Variants in SLC6A12 observed in about 807,000 individuals in gnomAD.
SLC6A12 encodes sodium- and chloride-dependent betaine transporter.
Under a neutral mutation model 73.3 loss-of-function variants are expected in SLC6A12, and 50 were observed. That is an observed-to-expected ratio of 0.68 (90% CI 0.54 to 0.86). SLC6A12 has a LOEUF of 0.86. Ranked by LOEUF, SLC6A12 falls within the 40% of genes least tolerant of loss-of-function variation. The pLI is 0.00. For synonymous variants in SLC6A12, 304 were observed against 309.2 expected, an observed-to-expected ratio of 0.98 and a Z score of 0.18; for missense variants, 648 against 772.8, an observed-to-expected ratio of 0.84 and a Z score of 1.92.
rs1269710148 is a variant in SLC6A12, at chr12:213,639, A to C, written c.-143+283T>G. 1 of 152,772 alleles carries C rather than the reference A, an allele frequency of 6.5e-6. No individual in the cohort carries two copies. The highest frequency in any genetic ancestry group is 1.5e-5 in the Non-Finnish European group (1 of 68,596). 9.5% of individuals were successfully genotyped at this position (152,772 alleles called of 1,614,324 possible). A position where few individuals can be genotyped will look rare whatever the true frequency, so the allele number is the denominator to read the frequency against. ...TCGTCAGATGACCACCCCTGCTTTC[A>C]CCCACTGCCGTGACCAGCTGCCCAT... On this transcript the variant is annotated intron_variant, in intron 1 of 15. Coordinates refer to ENST00000684302, the MANE Select transcript of SLC6A12 (RefSeq NM_001122848.3). The surrounding 1 kb of genome is among the most constrained non-coding windows in gnomAD (Gnocchi z 5.3).
downstream of SLC6A12, among the ~76,000 whole-genome samples, chr12:188,242 G>A (rs1038227160): frequency 2.0e-4 from 30 of 152,230 alleles, no homozygotes; most frequent in African/African-American, 7.2e-4. Flanking sequence ...ATGGCGAGCT[G>A]CAGGTTCCGA....
intron 2 of SLC6A12, chr12:211,252 G>C (rs1382507627): frequency 6.6e-6 from 1 of 152,232 alleles, no homozygotes; most frequent in African/African-American, 2.4e-5. Flanking sequence ...TTTATTTACT[G>C]GTCCTTTTAA....
rs2137123964 is a variant in SLC6A12, at chr12:196,392, TG to T, written c.1189-132del. ...CAGGGAGCAGCACAAAGGGAAGAAA[TG>T]GGGGTGCCCTGGGGTGAGCCAACCC... On this transcript the variant is annotated intron_variant, in intron 11 of 15. Transcript: ENST00000684302. The T allele has an allele frequency of 4.2e-6, 5 of 1,180,296 alleles. No homozygotes were observed. In the South Asian group the frequency reaches 4.7e-5, roughly 11 times the overall value. The allele number at this position is 1,180,296 out of a possible 1,614,324, so 73.1% of individuals were successfully genotyped here.
downstream of SLC6A12, among the ~76,000 whole-genome samples, chr12:188,133 GGGT>G (rs1203438234): frequency 6.6e-6 from 1 of 152,226 alleles, no homozygotes; most frequent in Non-Finnish European, 1.5e-5. Flanking sequence ...CTCAGCCCTT[GGGT>G]GGTCGATGGG....
intron 14 of SLC6A12, chr12:193,065 G>A (rs1591778852): frequency 1.8e-6 from 1 of 550,590 alleles, no homozygotes; most frequent in East Asian, 2.9e-5. Flanking sequence ...GATGGAGCCG[G>A]AAGTAGGAAG....
downstream of SLC6A12, among the ~76,000 whole-genome samples, chr12:187,787 G>A (rs558984878): frequency 1.1e-4 from 16 of 152,060 alleles, no homozygotes; most frequent in East Asian, 2.7e-3. Flanking sequence ...TTTACAGAGC[G>A]CTGATTGGTC....
chr12:211,240 T>C (rs894113625), intron 2 of SLC6A12: 2 of 152,244 alleles, frequency 1.3e-5, no homozygotes, highest in Non-Finnish European at 2.9e-5. Context: ...GAAGAGTCTG[T>C]GTTTATTTAC....
chr12:209,023 A>C (rs1940786259), intron 3 of SLC6A12, among the ~76,000 whole-genome samples: 1 of 152,042 alleles, frequency 6.6e-6, no homozygotes. Flanking sequence ...AGCCTGAGTG[A>C]TCCCTGTGAC....
downstream of SLC6A12, among the ~76,000 whole-genome samples, chr12:186,995 TCA>T (rs1491227243): frequency 2.6e-5 from 4 of 152,150 alleles, no homozygotes; most frequent in African/African-American, 7.2e-5. Flanking sequence ...CCCAAAGTTC[TCA>T]CTTTCTCCGC....
downstream of SLC6A12, among the ~76,000 whole-genome samples, chr12:188,459 T>A (rs1280287764): frequency 1.3e-5 from 2 of 150,744 alleles, no homozygotes; most frequent in African/African-American, 4.9e-5. Context: ...CGCCTCTCCC[T>A]CCACACCTCT....
At position 190,560 on chromosome 12, in the gene SLC6A12, T is replaced by C. The variant is rs1230364239; in HGVS notation, c.*508A>G. The stretch of plus-strand genomic sequence containing the variant: ...GACTGACGGCATGCAAAGGCTTGCC[T>C]CTGTCGTTAAGCCTAAGGAAGGATC... On this transcript the variant is annotated 3_prime_UTR_variant, in exon 16 of 16. Transcript: ENST00000684302. 1 of 152,182 alleles carries C rather than the reference T, an allele frequency of 6.6e-6. No individual in the cohort carries two copies. The highest frequency in any genetic ancestry group is 1.5e-5 in the Non-Finnish European group (1 of 68,050). The allele number at this position is 152,182 out of a possible 1,614,324, so 9.4% of individuals were successfully genotyped here. A position where few individuals can be genotyped will look rare whatever the true frequency, so the allele number is the denominator to read the frequency against.
chr12:211,761 G>A (rs1940910833), intron 2 of SLC6A12, among the ~76,000 whole-genome samples: 1 of 152,194 alleles, frequency 6.6e-6, no homozygotes, highest in Non-Finnish European at 1.5e-5. Flanking sequence ...GCATGAAAAT[G>A]CACCAGATAG....
intron 5 of SLC6A12, 45 bp from the exon 6 acceptor site, chr12:201,894 A>C (rs1346818048): frequency 6.5e-7 from 1 of 1,530,710 alleles, no homozygotes; most frequent in African/African-American, 1.4e-5. Flanking sequence ...AGATGCTCTT[A>C]TACCCTAGTC....
chr12:206,060 T>G (rs1390602443), intron 3 of SLC6A12, among the ~76,000 whole-genome samples: 1 of 152,204 alleles, frequency 6.6e-6, no homozygotes, highest in Non-Finnish European at 1.5e-5. Context: ...TTTTTTCTCT[T>G]TGTGTGTGTG....
Position 198,621 on chromosome 12 carries a change from A to C in SLC6A12, c.846+176T>G. The stretch of plus-strand genomic sequence containing the variant: ...AAAAAAGTTATATTTGAGTGGTGGA[A>C]TTACAAGAGATTTTTTTAGTTTCTT... On this transcript the variant is annotated intron_variant, in intron 8 of 15. Coordinates refer to ENST00000684302, the MANE Select transcript of SLC6A12 (RefSeq NM_001122848.3). The surrounding 1 kb of genome is among the most constrained non-coding windows in gnomAD (Gnocchi z 4.0). 1.6e-6 allele frequency: 1 copy of C among 611,386 alleles called. No individual in the cohort carries two copies. Among genetic ancestry groups the C allele is most frequent in the South Asian group, 2.8e-5 (1 of 36,050 alleles). The allele number at this position is 611,386 out of a possible 1,614,324, so 37.9% of individuals were successfully genotyped here.
intron 10 of SLC6A12, among the ~76,000 whole-genome samples, chr12:197,142 C>T (rs111952996): frequency 0.016 from 1,546 of 93,980 alleles, 5 homozygotes; most frequent in African/African-American, 0.03. Flanking sequence ...TCCATCCATC[C>T]ATCCATCCAT....
At chr12:203,691 C>G (rs1431762266) in intron 4 of SLC6A12, 1 of 152,182 alleles carries the variant, frequency 6.6e-6, no homozygotes, top group Non-Finnish European at 1.5e-5. Context: ...CGGGTCAGCC[C>G]GGTGAACTAA....
downstream of SLC6A12, among the ~76,000 whole-genome samples, chr12:189,166 G>A (rs1344237672): frequency 1.3e-5 from 2 of 152,198 alleles, no homozygotes; most frequent in African/African-American, 2.4e-5. Flanking sequence ...AAGGCGGCGG[G>A]AAGTACTGGA....
In SLC6A12 at chr12:190,219, C is replaced by T. The variant is rs1365739276; in HGVS notation, c.*849G>A. On this transcript the variant is annotated 3_prime_UTR_variant, in exon 16 of 16. Coordinates refer to ENST00000684302, the MANE Select transcript of SLC6A12 (RefSeq NM_001122848.3). ...TCCCCATGTGAACTTGAAAAAGTCC[C>T]TTTGTCTCTTTGGTCTCCAGGTTCC... 6.6e-6 allele frequency: 1 copy of T among 152,194 alleles called. No homozygotes were observed. The highest frequency in any genetic ancestry group is 1.5e-5 in the Non-Finnish European group (1 of 68,044). The allele number at this position is 152,194 out of a possible 1,614,324, so 9.4% of individuals were successfully genotyped here.
Sources: allele counts gnomAD v4.1 joint callset (sites outside exome capture counted in the v4.1 genomes callset), GRCh38; gene constraint gnomAD v4.1.1; non-coding constraint Gnocchi (gnomAD v3.1); transcripts MANE v1.5; gene names NCBI Gene and HGNC (gene_info 2026-07-23, HGNC 2026-07-21).